The following DERL2 variants were observed in gnomAD, a reference collection of about 807,000 sequenced individuals.
DERL2 encodes the protein derlin-2.
DERL2 carries 13 observed loss-of-function variants against 32.0 expected under a neutral mutation model. The ratio of observed to expected loss-of-function variants is 0.41; its 90% CI spans 0.26 to 0.65. The LOEUF (loss-of-function observed/expected upper bound fraction) is 0.65, where lower values mean the gene tolerates loss of function less well. Ranked by LOEUF, DERL2 falls within the 30% of genes least tolerant of loss-of-function variation. DERL2 has a pLI of 0.35. For synonymous variants in DERL2, 111 were observed against 104.7 expected (o/e 1.06, Z -0.37); for missense variants, 208 against 296.3 (o/e 0.70, Z 2.19).
At chr17:5,484,276 C>T (rs747523774) in intron 2 of DERL2, among the ~76,000 whole-genome samples, 2 of 152,188 alleles carry the variant, frequency 1.3e-5, no homozygotes, top group African/African-American at 2.4e-5. Flanking sequence ...GACAGGGTTT[C>T]GCTCTTGTCT....
chr17:5,478,568 C>G (rs959757503), intron 6 of DERL2, among the ~76,000 whole-genome samples: 2 of 152,116 alleles, frequency 1.3e-5, no homozygotes, highest in East Asian at 3.8e-4. Context: ...TTCTGGAAGG[C>G]GTTTGGCAAC....
upstream of DERL2, chr17:5,486,358 C>G: frequency 2.2e-6 from 1 of 453,726 alleles, no homozygotes; most frequent in Non-Finnish European, 3.9e-6. Context: ...TCGCCACCGC[C>G]CCCCCCCAGC....
At chr17:5,486,402 C>T, upstream of DERL2, 1 of 474,752 alleles carries the variant, frequency 2.1e-6, no homozygotes, top group Non-Finnish European at 3.8e-6. Context: ...CTCCACCAGC[C>T]AACGTCCGGG....
chr17:5,484,332 C>T (rs1179146624), intron 2 of DERL2, among the ~76,000 whole-genome samples: 1 of 152,248 alleles, frequency 6.6e-6, no homozygotes, highest in Non-Finnish European at 1.5e-5. Context: ...CTGCAACCTC[C>T]GCCTCCCGGG....
At chr17:5,480,890 C>G (rs1905732829) in intron 4 of DERL2, 2 of 465,142 alleles carry the variant, frequency 4.3e-6, no homozygotes, top group African/African-American at 2.0e-5. Context: ...TCACGATTAG[C>G]ACCTTTACAG....
chr17:5,479,249 C>T (rs1290514937), intron 6 of DERL2, among the ~76,000 whole-genome samples: 1 of 152,186 alleles, frequency 6.6e-6, no homozygotes, highest in Non-Finnish European at 1.5e-5. Flanking sequence ...GAAGAATACA[C>T]ATTGAAAAGT....
chr17:5,482,790 C>A lies in DERL2; in HGVS notation c.233+19G>T, dbSNP rs1416098165. 1.5e-6 allele frequency: 2 copies of A among 1,341,670 alleles called. No homozygotes were observed. The highest frequency in any genetic ancestry group is 1.3e-5 in the South Asian group (1 of 78,146). 83.1% of individuals were successfully genotyped at this position (1,341,670 alleles called of 1,614,324 possible). On this transcript the variant is annotated intron_variant, in intron 3 of 6. Transcript: ENST00000158771. Reference sequence around the variant, plus strand: ...CCTAAGAAAAAGTTTTGATGCTGACCCCATTTAATAAAGGATACAGAAAAA... The same window carrying A: ...CCTAAGAAAAAGTTTTGATGCTGACACCATTTAATAAAGGATACAGAAAAA...
rs892143231 is a variant in DERL2, at chr17:5,472,151, C to T, written c.*2533G>A. 4 of 152,156 alleles carry T rather than the reference C, an allele frequency of 2.6e-5. No individual in the cohort carries two copies. The highest frequency in any genetic ancestry group is 9.7e-5 in the African/African-American group (4 of 41,418). The allele number at this position is 152,156 out of a possible 1,614,324, so 9.4% of individuals were successfully genotyped here. The stretch of plus-strand genomic sequence containing the variant: ...CCATTTATTTTTAAATGAACGTATA[C>T]CGTATTTCCATAACAAACAAAAAAC... On this transcript the variant is annotated 3_prime_UTR_variant, in exon 7 of 7. Coordinates refer to ENST00000158771, the MANE Select transcript of DERL2 (RefSeq NM_016041.5).
In DERL2 at chr17:5,473,778, C is replaced by T. The variant is rs1039308671; in HGVS notation, c.*906G>A. ...ACCAGCCTGGGCAACACAGTGAGAC[C>T]CCATCTGTATTTAAAAAAAAATTTT... is the stretch of plus-strand genomic sequence containing the variant. On this transcript the variant is annotated 3_prime_UTR_variant, in exon 7 of 7. Coordinates refer to ENST00000158771, the MANE Select transcript of DERL2 (RefSeq NM_016041.5). 2.0e-5 allele frequency: 3 copies of T among 150,730 alleles called. No individual in the cohort carries two copies. Among genetic ancestry groups the T allele is most frequent in the African/African-American group, 7.3e-5 (3 of 40,960 alleles). 9.3% of individuals were successfully genotyped at this position (150,730 alleles called of 1,614,324 possible).
chr17:5,475,294 CT>C (rs1462325585), intron 6 of DERL2, among the ~76,000 whole-genome samples: 1 of 149,800 alleles, frequency 6.7e-6, no homozygotes, highest in African/African-American at 2.5e-5. Context: ...GAGTCTCACT[CT>C]GTCGCCCAGG....
intron 1 of DERL2, 145 bp from the exon 2 acceptor site, chr17:5,485,361 G>C (rs1906122279): frequency 5.5e-6 from 3 of 548,232 alleles, no homozygotes; most frequent in Non-Finnish European, 9.7e-6. Flanking sequence ...GCCAGAGGAA[G>C]AGGTTGGTAA....
rs1905254412 is a variant in DERL2, at chr17:5,474,235, CAGG to C, written c.*446_*448del. 1 of 152,718 alleles carries C rather than the reference CAGG, an allele frequency of 6.5e-6. No homozygotes were observed. The highest frequency in any genetic ancestry group is 2.4e-5 in the African/African-American group (1 of 41,460). The allele number at this position is 152,718 out of a possible 1,614,324, so 9.5% of individuals were successfully genotyped here. On this transcript the variant is annotated 3_prime_UTR_variant, in exon 7 of 7. Coordinates refer to ENST00000158771, the MANE Select transcript of DERL2 (RefSeq NM_016041.5). The surrounding 1 kb of genome is among the most constrained non-coding windows in gnomAD (Gnocchi z 4.3). ...AAACTGTTCTGAGCTCAGATCTACG[CAGG>C]AGGGCTACAATACATTATCAGAATT...
rs1346470299 is a variant in DERL2, at chr17:5,472,937, C to G, written c.*1747G>C. On this transcript the variant is annotated 3_prime_UTR_variant, in exon 7 of 7. Coordinates refer to ENST00000158771, the MANE Select transcript of DERL2 (RefSeq NM_016041.5). The stretch of plus-strand genomic sequence containing the variant: ...TTTTTTAAACTGCTTAAAAAGCAGT[C>G]CCATAGACCCAGGTTCCATAAAATT... 6.6e-6 allele frequency: 1 copy of G among 152,190 alleles called. No individual in the cohort carries two copies. The highest frequency in any genetic ancestry group is 1.5e-5 in the Non-Finnish European group (1 of 68,036). The allele number at this position is 152,190 out of a possible 1,614,324, so 9.4% of individuals were successfully genotyped here.
At chr17:5,486,179 G>GCCCCCCCCCCCCCCCCCCCCCCCTCCCCC, upstream of DERL2, 1 of 1,540,444 alleles carries the variant, frequency 6.5e-7, no homozygotes, top group Non-Finnish European at 8.8e-7. Context: ...ACCGTCGCCT[G>GCCCCCCCCCCCCCCCCCCCCCCCTCCCCC]CCCCACCCCC....
intron 5 of DERL2, 91 bp from the exon 6 acceptor site, chr17:5,480,235 G>C (rs1905685557): frequency 8.2e-7 from 1 of 1,220,138 alleles, no homozygotes; most frequent in African/African-American, 1.5e-5. Flanking sequence ...TATTTAGGAT[G>C]AATGTCAACA....
Position 5,480,552 on chromosome 17 carries a change from A to G in DERL2, c.358T>C (p.Leu120=), listed in dbSNP as rs752143548. The change falls in exon 5 of 7, where the codon TTG becomes CTG. Residue 120 remains leucine (L), a synonymous_variant. Transcript: ENST00000158771. ...LFGLFVSLVF[L]GQAFTIMLVY... is the part of the protein sequence containing the mutation. The stretch of plus-strand genomic sequence containing the variant: ...AGCATTATTGTAAAGGCCTGGCCCA[A>G]GAAAACTAAGCTCACAAACAGACCA... 2 of 1,545,396 alleles carry G rather than the reference A, an allele frequency of 1.3e-6. No homozygotes were observed. The highest frequency in any genetic ancestry group is 2.3e-5 in the Admixed American group (1 of 43,520).
At chr17:5,486,776 G>A (rs1160064175), upstream of DERL2, 2 of 152,432 alleles carry the variant, frequency 1.3e-5, no homozygotes, top group Non-Finnish European at 2.9e-5. Context: ...GGCGGCCTGT[G>A]GGTCGGCCTC....
At chr17:5,482,572 T>C in intron 3 of DERL2, 1 of 378,644 alleles carries the variant, frequency 2.6e-6, no homozygotes, top group South Asian at 2.8e-5. Context: ...TGATCAGATT[T>C]GTAAGTAACA....
chr17:5,476,651 C>T (rs941652621), intron 6 of DERL2, among the ~76,000 whole-genome samples: 1 of 152,130 alleles, frequency 6.6e-6, no homozygotes, highest in Admixed American at 6.5e-5. Flanking sequence ...TGTGGTGGCG[C>T]ATGCCTATGA....
Sources: gnomAD v4.1 joint callset for allele counts (sites outside exome capture counted in the v4.1 genomes callset) on GRCh38, gnomAD v4.1.1 for gene constraint, Gnocchi (gnomAD v3.1) non-coding constraint, MANE v1.5 for transcripts, NCBI Gene and HGNC (gene_info 2026-07-23, HGNC 2026-07-21) for gene names.